The following TMEM255B variants were observed in gnomAD, a reference collection of about 807,000 sequenced individuals.
TMEM255B encodes the protein transmembrane protein 255B.
Under a neutral mutation model 34.5 loss-of-function variants are expected in TMEM255B, and 35 were observed. The observed-to-expected ratio is 1.01, with a 90% CI of 0.77 to 1.34. The LOEUF is 1.34. Ranked by LOEUF, TMEM255B falls within the 40% of genes most tolerant of loss-of-function variation. TMEM255B has a pLI of 0.00. For missense variants in TMEM255B, 432 were observed against 433.2 expected (o/e 1.00, Z 0.02); for synonymous variants, 206 against 201.2 (o/e 1.02, Z -0.20).
At position 113,804,769 on chromosome 13, in the gene TMEM255B, G is replaced by C. The variant is rs60844968; in HGVS notation, c.670-116G>C. 141 of 719,764 alleles carry C rather than the reference G, an allele frequency of 2.0e-4. 1 individual carries two copies. Among genetic ancestry groups the C allele is most frequent in the African/African-American group, 4.7e-4 (23 of 49,080 alleles). 44.6% of individuals were successfully genotyped at this position (719,764 alleles called of 1,614,324 possible). On this transcript the variant is annotated intron_variant, in intron 7 of 8. Transcript: ENST00000375353. ...TGGGTATAAACGCACGCCGGGCCGG[G>C]GTTAGTTCCAGCCTGAGAGTCGGGG... is the stretch of plus-strand genomic sequence containing the variant.
At chr13:113,797,075 G>A (rs111414822) in intron 4 of TMEM255B, among the ~76,000 whole-genome samples, 2,162 of 152,312 alleles carry the variant, frequency 0.014, 53 homozygotes, top group South Asian at 0.1. Flanking sequence ...GCCCGTGGCC[G>A]TGGCCCCGCC....
Position 113,802,829 on chromosome 13 carries a change from C to T in TMEM255B, c.669+1017C>T, listed in dbSNP as rs927337777. Among the ~76,000 whole-genome samples the T allele has an allele frequency of 8.1e-5, 12 of 148,484 alleles. 2 individuals are homozygous for T. The highest frequency in any genetic ancestry group is 1.5e-4 in the Non-Finnish European group (10 of 66,114). On this transcript the variant is annotated intron_variant, in intron 7 of 8. Transcript: ENST00000375353. ...GTGGCCCCCCAAGCCCCACCCTGGG[C>T]CCCCAGACGCCCGCACACCAACACA...
chr13:113,792,333 C>G (rs900739683), intron 3 of TMEM255B, among the ~76,000 whole-genome samples: 2 of 152,262 alleles, frequency 1.3e-5, no homozygotes, highest in African/African-American at 4.8e-5. Context: ...CCTTCGGCCA[C>G]ACAACCTTGG....
intron 3 of TMEM255B, among the ~76,000 whole-genome samples, chr13:113,784,577 AGG>A (rs918492776): frequency 6.6e-6 from 1 of 152,100 alleles, no homozygotes; most frequent in African/African-American, 2.4e-5. Flanking sequence ...GAGGAGGAGA[AGG>A]AGGAGAAGGA....
intron 7 of TMEM255B, among the ~76,000 whole-genome samples, chr13:113,803,531 C>A (rs1352770079): frequency 6.8e-6 from 1 of 148,100 alleles, no homozygotes; most frequent in African/African-American, 2.5e-5. Context: ...GCGTGTGACT[C>A]CGTGGCCCCC....
chr13:113,800,097 G>GTGTGTGT (rs2051017311), intron 5 of TMEM255B: 1 of 1,108,278 alleles, frequency 9.0e-7, no homozygotes, highest in African/African-American at 1.8e-5. Flanking sequence ...TGTGTGTGTG[G>GTGTGTGT]GGGGGGGTAG....
chr13:113,762,367 T>C (rs1036830729), intron 1 of TMEM255B, among the ~76,000 whole-genome samples: 7 of 152,192 alleles, frequency 4.6e-5, no homozygotes, highest in African/African-American at 1.7e-4. Flanking sequence ...TGTAATTGAA[T>C]GAGATGATTT....
intron 7 of TMEM255B, among the ~76,000 whole-genome samples, chr13:113,802,651 T>G (rs918085484): frequency 8.4e-6 from 1 of 119,160 alleles, no homozygotes; most frequent in Admixed American, 8.2e-5. Flanking sequence ...TCCCAGAGGC[T>G]GTCCATGACT....
rs186140838 is a variant in TMEM255B at position 113,765,763 on chromosome 13, T to G, written c.47-352T>G. 1.1e-4 allele frequency among the ~76,000 whole-genome samples: 16 copies of G among 152,178 alleles called. 1 individual carries two copies. In the East Asian group the frequency reaches 3.1e-3, roughly 29 times the overall value. ...TGAGCGAATGGTAATGATAAAACAGTAAACAAAAGATGCTCCTGTCCTCCT... is the reference window on the plus strand; with the variant it reads ...TGAGCGAATGGTAATGATAAAACAGGAAACAAAAGATGCTCCTGTCCTCCT... On this transcript the variant is annotated intron_variant, in intron 1 of 8. Transcript: ENST00000375353.
chr13:113,766,186 G>A lies in TMEM255B; in HGVS notation c.118G>A (p.Val40Ile). The A allele has an allele frequency of 1.9e-6, 3 of 1,614,236 alleles. No homozygotes were observed. Among genetic ancestry groups the A allele is most frequent in the Non-Finnish European group, 2.5e-6 (3 of 1,180,036 alleles). ...TCTGCTGCTGGTGTCCGTCCTCATAGTCACCGTCGGGCTGGCTGCCACCAC... is the reference window on the plus strand; with the variant it reads ...TCTGCTGCTGGTGTCCGTCCTCATAATCACCGTCGGGCTGGCTGCCACCAC... ...GSLLLVSVLI[V>I]TVGLAATTRT... is the part of the protein sequence containing the mutation. The change falls in exon 2 of 9, where the codon GTC (valine) becomes ATC (isoleucine). Residue 40 changes from valine (V) to isoleucine (I), a missense_variant. By Grantham distance (29) the Val-to-Ile change is conservative. Transcript: ENST00000375353.
chr13:113,811,889 C>T lies in TMEM255B; in HGVS notation c.967C>T (p.Pro323Ser). ...TYFPPGEKPP[P>S]YAP ...CTTTCCCCCGGGGGAGAAGCCACCC[C>T]CCTACGCACCCTGATAGAGGCGTGG... Residue 323 changes from proline to serine, a missense_variant, in exon 9 of 9, where the codon CCC becomes TCC. By Grantham distance (74) the Pro-to-Ser change is moderately conservative. Coordinates refer to ENST00000375353, the MANE Select transcript of TMEM255B (RefSeq NM_182614.4). 6.2e-7 allele frequency: 1 copy of T among 1,610,110 alleles called. No homozygotes were observed. The highest frequency in any genetic ancestry group is 1.1e-5 in the South Asian group (1 of 90,626).
intron 8 of TMEM255B, among the ~76,000 whole-genome samples, chr13:113,810,398 T>C (rs1268725575): frequency 6.6e-6 from 1 of 152,220 alleles, no homozygotes; most frequent in Non-Finnish European, 1.5e-5. Context: ...AAAACTAGAA[T>C]GTATCAATTT....
intron 4 of TMEM255B, among the ~76,000 whole-genome samples, chr13:113,796,298 CCACA>C (rs1270666577): frequency 6.0e-5 from 9 of 150,458 alleles, no homozygotes; most frequent in Admixed American, 1.3e-4. Context: ...GCCTCACACA[CCACA>C]CAGAGTACAC....
chr13:113,761,135 AC>A (rs1229654051), intron 1 of TMEM255B: 3 of 968,296 alleles, frequency 3.1e-6, no homozygotes, highest in Non-Finnish European at 3.7e-6. Flanking sequence ...TGTTACTTGG[AC>A]ACCATGACTG....
Position 113,803,853 on chromosome 13 carries a change from C to T in TMEM255B, c.670-1032C>T, listed in dbSNP as rs572110023. On this transcript the variant is annotated intron_variant, in intron 7 of 8. Transcript: ENST00000375353. ...CTCCCAGCCCCAGGGGTGCGGGCAG[C>T]ACCGTTGTCTGAGGACACCTCAGGC... Among the ~76,000 whole-genome samples the T allele has an allele frequency of 1.6e-4, 25 of 152,404 alleles. No individual in the cohort carries two copies. The East Asian group carries it at 2.3e-3, about 14-fold the overall frequency.
intron 5 of TMEM255B, among the ~76,000 whole-genome samples, chr13:113,800,405 T>C (rs9577892): frequency 0.71 from 107,795 of 151,100 alleles, 38,821 homozygotes; most frequent in East Asian, 0.86. Context: ...GTGTCTCTTC[T>C]GAGGCTGCCA....
At chr13:113,784,864 C>T (rs983684530) in intron 3 of TMEM255B, among the ~76,000 whole-genome samples, 2 of 152,344 alleles carry the variant, frequency 1.3e-5, no homozygotes, top group African/African-American at 2.4e-5. Context: ...GCCCCAACAC[C>T]TGTCCTAGGT....
In TMEM255B at chr13:113,759,332, G is replaced by A. The variant is rs1002725329; in HGVS notation, c.46+17G>A. On this transcript the variant is annotated intron_variant, in intron 1 of 8. Coordinates refer to ENST00000375353, the MANE Select transcript of TMEM255B (RefSeq NM_182614.4). ...ACCCCGCAGGTGAGCGCGGGGCTGG[G>A]GGCTCGTCTCGGCTCCTGCGGGGGA... is the stretch of plus-strand genomic sequence containing the variant. The A allele has an allele frequency of 2.8e-5, 34 of 1,229,354 alleles. No homozygotes were observed. The highest frequency in any genetic ancestry group is 3.1e-5 in the African/African-American group (2 of 64,278). 76.2% of individuals were successfully genotyped at this position (1,229,354 alleles called of 1,614,324 possible).
At chr13:113,778,562 A>G (rs2050617196) in intron 3 of TMEM255B, among the ~76,000 whole-genome samples, 1 of 145,340 alleles carries the variant, frequency 6.9e-6, no homozygotes, top group East Asian at 2.1e-4. Context: ...CTGTAATGAT[A>G]TGACGATGAT....
Sources: allele counts gnomAD v4.1 joint callset (sites outside exome capture counted in the v4.1 genomes callset), GRCh38; gene constraint gnomAD v4.1.1; transcripts MANE v1.5; gene names NCBI Gene and HGNC (gene_info 2026-07-23, HGNC 2026-07-21).